The following TMTC1 variants were observed in gnomAD, a reference collection of about 807,000 sequenced individuals.
TMTC1 encodes transmembrane O-mannosyltransferase targeting cadherins 1, also known as protein O-mannosyl-transferase TMTC1.
A neutral mutation model predicts 104.8 loss-of-function variants in TMTC1; 73 were observed. The ratio of observed to expected loss-of-function variants is 0.70; its 90% CI spans 0.58 to 0.85. The LOEUF (loss-of-function observed/expected upper bound fraction) is 0.85. TMTC1 is among the 40% of genes least tolerant of loss of function. TMTC1 has a pLI of 0.00. For missense variants in TMTC1, 1,035 were observed against 1,096.1 expected, an observed-to-expected ratio of 0.94 and a Z score of 0.79; for synonymous variants, 434 against 428.7, an observed-to-expected ratio of 1.01 and a Z score of -0.15.
chr12:29,538,544 C>A (rs893092509), intron 10 of TMTC1, among the ~76,000 whole-genome samples: 3 of 143,382 alleles, frequency 2.1e-5, no homozygotes, highest in Non-Finnish European at 1.5e-5. Context: ...GAAAAAAAAA[C>A]CCATAACATC....
At chr12:29,614,436 C>T (rs74568519) in intron 6 of TMTC1, among the ~76,000 whole-genome samples, 3,489 of 152,254 alleles carry the variant, frequency 0.023, 144 homozygotes, top group African/African-American at 0.079. Flanking sequence ...GATGGAATAA[C>T]GCTCTTCCTT....
intron 10 of TMTC1, among the ~76,000 whole-genome samples, chr12:29,545,414 C>T (rs577345428): frequency 2.0e-5 from 3 of 152,172 alleles, no homozygotes; most frequent in South Asian, 2.1e-4. Flanking sequence ...CTGAGGAAGA[C>T]GGATCATTTG....
At chr12:29,551,787 CTTT>C (rs34656608) in intron 10 of TMTC1, among the ~76,000 whole-genome samples, 18 of 139,242 alleles carry the variant, frequency 1.3e-4, no homozygotes, top group African/African-American at 3.1e-4. Context: ...TTTCTTTCTT[CTTT>C]TTTTTTTTTT....
At chr12:29,647,613 G>A (rs189040780) in intron 5 of TMTC1, among the ~76,000 whole-genome samples, 2 of 152,236 alleles carry the variant, frequency 1.3e-5, no homozygotes, top group East Asian at 3.9e-4. Flanking sequence ...TCTTTAGAAC[G>A]TGGAAGATGT....
At chr12:29,582,866 G>A (rs1592269516) in intron 8 of TMTC1, among the ~76,000 whole-genome samples, 1 of 152,218 alleles carries the variant, frequency 6.6e-6, no homozygotes, top group African/African-American at 2.4e-5. Context: ...AGTGCCAAGA[G>A]AGCCAGGCGA....
intron 4 of TMTC1, among the ~76,000 whole-genome samples, chr12:29,755,279 A>G (rs1943187636): frequency 1.3e-5 from 2 of 152,202 alleles, no homozygotes; most frequent in Admixed American, 1.3e-4. Flanking sequence ...AGGTAACAGC[A>G]TCATTAGAAG....
intron 5 of TMTC1, among the ~76,000 whole-genome samples, chr12:29,709,541 G>A (rs533030449): frequency 6.6e-6 from 1 of 151,490 alleles, no homozygotes; most frequent in South Asian, 2.1e-4. Flanking sequence ...TAAAATACAA[G>A]TACATTCAGA....
intron 1 of TMTC1, among the ~76,000 whole-genome samples, chr12:29,779,298 G>A (rs775793673): frequency 3.9e-5 from 6 of 152,238 alleles, no homozygotes; most frequent in Non-Finnish European, 7.4e-5. Context: ...TTTTTCTTAT[G>A]GTCAGCCCTA....
chr12:29,742,199 T>G (rs1027525966), intron 5 of TMTC1, among the ~76,000 whole-genome samples: 4 of 152,246 alleles, frequency 2.6e-5, no homozygotes, highest in Non-Finnish European at 5.9e-5. Context: ...TGTCTAGCTC[T>G]TAACAAAAGA....
At chr12:29,780,214 C>T (rs1337007460) in intron 1 of TMTC1, among the ~76,000 whole-genome samples, 3 of 152,162 alleles carry the variant, frequency 2.0e-5, no homozygotes. Flanking sequence ...TTTATAGCAG[C>T]TTTATCCCAG....
chr12:29,716,780 C>A (rs1942094492), intron 5 of TMTC1, among the ~76,000 whole-genome samples: 1 of 152,182 alleles, frequency 6.6e-6, no homozygotes, highest in African/African-American at 2.4e-5. Context: ...CTTTGGGAAG[C>A]CGAGGCAGGC....
At chr12:29,722,646 G>T (rs749599363) in intron 5 of TMTC1, among the ~76,000 whole-genome samples, 3 of 152,232 alleles carry the variant, frequency 2.0e-5, no homozygotes, top group Non-Finnish European at 4.4e-5. Context: ...TAGGCCGGGC[G>T]CAGTGGCTCA....
At chr12:29,603,002 T>C (rs1363355487) in intron 7 of TMTC1, among the ~76,000 whole-genome samples, 1 of 152,240 alleles carries the variant, frequency 6.6e-6, no homozygotes, top group African/African-American at 2.4e-5. Context: ...TGGTCTTCTA[T>C]ACTACAGGTG....
At chr12:29,680,462 A>G (rs2136711754) in intron 5 of TMTC1, among the ~76,000 whole-genome samples, 1 of 152,318 alleles carries the variant, frequency 6.6e-6, no homozygotes, top group South Asian at 2.1e-4. Flanking sequence ...AAAAGAATTA[A>G]TAAAGCCCTT....
chr12:29,534,897 C>T (rs1944600720), intron 11 of TMTC1: 2 of 152,078 alleles, frequency 1.3e-5, no homozygotes, highest in African/African-American at 4.8e-5. Context: ...ACATGATGGG[C>T]TGCGGAAGGT....
At chr12:29,614,517 A>C (rs1022309647) in intron 6 of TMTC1, among the ~76,000 whole-genome samples, 1 of 152,234 alleles carries the variant, frequency 6.6e-6, no homozygotes, top group African/African-American at 2.4e-5. Context: ...GACTAATGAA[A>C]TGTAGCAAAG....
chr12:29,616,799 T>C (rs1161045413), intron 6 of TMTC1, among the ~76,000 whole-genome samples: 2 of 151,906 alleles, frequency 1.3e-5, no homozygotes, highest in East Asian at 1.9e-4. Flanking sequence ...TCTATCTGCA[T>C]AGTGGTGGCT....
chr12:29,559,097 C>T (rs1295860695), intron 9 of TMTC1, among the ~76,000 whole-genome samples: 1 of 152,200 alleles, frequency 6.6e-6, no homozygotes, highest in Non-Finnish European at 1.5e-5. Context: ...ATTTCCTTTA[C>T]AACAAGCAGT....
chr12:29,583,425 G>T lies in TMTC1; in HGVS notation c.1400C>A (p.Ser467Ter). The change falls in exon 8 of 18, where the codon TCA becomes TAA. Residue 467 changes from serine (S) to a stop codon, truncating the protein, a stop_gained. Coordinates refer to ENST00000539277, the MANE Select transcript of TMTC1 (RefSeq NM_001193451.2). LOFTEE classifies it high-confidence loss of function. ...KTVKQNEIWL[S>*]RESLFRSGVQ... is the part of the protein sequence containing the mutation. Reference sequence around the variant, plus strand: ...GTCATACCTGAATAGGGACTCTCTTGACAGCCAAATTTCATTCTGTTTCAC... The same window carrying T: ...GTCATACCTGAATAGGGACTCTCTTTACAGCCAAATTTCATTCTGTTTCAC... 6.2e-7 allele frequency: 1 copy of T among 1,613,828 alleles called. No homozygotes were observed. The highest frequency in any genetic ancestry group is 1.7e-4 in the Middle Eastern group (1 of 6,054).
Sources: gnomAD v4.1 joint callset for allele counts (sites outside exome capture counted in the v4.1 genomes callset) on GRCh38, gnomAD v4.1.1 for gene constraint, MANE v1.5 for transcripts, NCBI Gene and HGNC (gene_info 2026-07-23, HGNC 2026-07-21) for gene names.